ABL1: variants seen among roughly 807,000 people sequenced by gnomAD.
The protein encoded by ABL1 is ABL proto-oncogene 1, non-receptor tyrosine kinase, also known as tyrosine-protein kinase ABL1.
ABL1 carries 11 observed loss-of-function variants against 94.7 expected under a neutral mutation model. That is an observed-to-expected ratio of 0.12 (90% CI 0.07 to 0.19). ABL1 has a LOEUF of 0.19. Among genes scored for constraint, ABL1 ranks in the 10% least tolerant of loss-of-function variants. ABL1 has a pLI of 1.00. For missense variants in ABL1, 1,082 were observed against 1,489.4 expected (o/e 0.73, Z 4.50); for synonymous variants, 656 against 622.4 (o/e 1.05, Z -0.80).
In ABL1 at chr9:130,727,353, C is replaced by T. The variant is rs193053793; in HGVS notation, c.136+12898C>T. ...AAGTGCTGGGATTACAGGTGTGAGC[C>T]ACTGTGCCTGGCGGTATCTCTCTTT... On this transcript the variant is annotated intron_variant, in intron 1 of 10. Coordinates refer to the ABL1 transcript ENST00000372348. Among the ~76,000 whole-genome samples the T allele has an allele frequency of 1.3e-3, 193 of 152,128 alleles. 2 individuals are homozygous for T. The highest frequency in any genetic ancestry group is 6.8e-3 in the Middle Eastern group (2 of 294).
chr9:130,791,583 G>C (rs1382385107), intron 1 of ABL1, among the ~76,000 whole-genome samples: 1 of 152,146 alleles, frequency 6.6e-6, no homozygotes, highest in East Asian at 1.9e-4. Flanking sequence ...GGTGGGATAA[G>C]CTTGCTGAGT....
chr9:130,764,791 A>T (rs765473474), intron 1 of ABL1, among the ~76,000 whole-genome samples: 1 of 152,112 alleles, frequency 6.6e-6, no homozygotes, highest in Non-Finnish European at 1.5e-5. Context: ...CCCTGTCTCT[A>T]CTAAAAATAC....
intron 4 of ABL1, among the ~76,000 whole-genome samples, chr9:130,866,405 G>T (rs986596504): frequency 6.6e-6 from 1 of 151,864 alleles, no homozygotes; most frequent in Non-Finnish European, 1.5e-5. Flanking sequence ...TTGTGGCTAC[G>T]ATCTACCTTC....
At chr9:130,841,105 T>C (rs1184577780) in intron 1 of ABL1, among the ~76,000 whole-genome samples, 1 of 151,980 alleles carries the variant, frequency 6.6e-6, no homozygotes, top group Admixed American at 6.6e-5. Context: ...ATACTAACGA[T>C]AGCTGATGAG....
At chr9:130,855,489 A>G (rs760809227) in intron 3 of ABL1, among the ~76,000 whole-genome samples, 2 of 152,112 alleles carry the variant, frequency 1.3e-5, no homozygotes, top group Non-Finnish European at 2.9e-5. Flanking sequence ...GCGAAAGACC[A>G]CTTTACTATC....
intron 1 of ABL1, among the ~76,000 whole-genome samples, chr9:130,822,857 G>A (rs1278590124): frequency 2.6e-5 from 4 of 151,826 alleles, no homozygotes; most frequent in Admixed American, 1.3e-4. Flanking sequence ...GAGTACAGTG[G>A]CACGATCTCA....
At chr9:130,717,463 G>C (rs1003079158) in intron 1 of ABL1, among the ~76,000 whole-genome samples, 2 of 152,076 alleles carry the variant, frequency 1.3e-5, no homozygotes, top group Non-Finnish European at 1.5e-5. Context: ...CAGCACTTTG[G>C]GAGGCCGAGG....
At chr9:130,723,087 G>C (rs570521566) in intron 1 of ABL1, among the ~76,000 whole-genome samples, 41 of 152,148 alleles carry the variant, frequency 2.7e-4, no homozygotes, top group Non-Finnish European at 5.1e-4. Context: ...CTGTGACTAG[G>C]GGGTAAAAAG....
At chr9:130,757,786 C>T (rs1414146321) in intron 1 of ABL1, among the ~76,000 whole-genome samples, 3 of 152,012 alleles carry the variant, frequency 2.0e-5, no homozygotes, top group African/African-American at 7.2e-5. Context: ...TGTGATTTAC[C>T]CGCCTCGGCC....
chr9:130,852,811 A>G (rs543617761), intron 1 of ABL1, among the ~76,000 whole-genome samples: 4 of 152,316 alleles, frequency 2.6e-5, no homozygotes, highest in African/African-American at 9.6e-5. Flanking sequence ...CAGACAAAAC[A>G]TGGAAGTTTA....
intron 1 of ABL1, among the ~76,000 whole-genome samples, chr9:130,780,552 T>C (rs1829742966): frequency 6.6e-6 from 1 of 152,198 alleles, no homozygotes; most frequent in Admixed American, 6.5e-5. Context: ...TCTGTACTCG[T>C]ACCTGCTATT....
chr9:130,846,524 T>TCC (rs950588225), intron 1 of ABL1, among the ~76,000 whole-genome samples: 2 of 151,986 alleles, frequency 1.3e-5, no homozygotes, highest in African/African-American at 4.8e-5. Flanking sequence ...CATCCTCCTG[T>TCC]CCCCCCCACA....
At chr9:130,798,176 A>C (rs1005655224) in intron 1 of ABL1, among the ~76,000 whole-genome samples, 1 of 152,218 alleles carries the variant, frequency 6.6e-6, no homozygotes, top group African/African-American at 2.4e-5. Flanking sequence ...AAGTTTGTTG[A>C]ATATTCCCTC....
intron 1 of ABL1, among the ~76,000 whole-genome samples, chr9:130,799,445 C>T (rs931013265): frequency 6.6e-6 from 1 of 152,146 alleles, no homozygotes; most frequent in African/African-American, 2.4e-5. Context: ...GGAAAGTCTT[C>T]ATGTACTTCT....
chr9:130,714,578 T>G, intron 1 of ABL1: 1 of 1,289,948 alleles, frequency 7.8e-7, no homozygotes, highest in East Asian at 2.3e-5. Flanking sequence ...AATTTGTTAC[T>G]GTAGTTATCT....
At chr9:130,776,576 CA>C (rs67443041) in intron 1 of ABL1, among the ~76,000 whole-genome samples, 15,516 of 140,798 alleles carry the variant, frequency 0.11, 797 homozygotes, top group South Asian at 0.16. Flanking sequence ...GACTCTATCT[CA>C]AAAAAAAAAA....
intron 1 of ABL1, among the ~76,000 whole-genome samples, chr9:130,779,272 A>C (rs1393969304): frequency 2.6e-5 from 4 of 151,930 alleles, no homozygotes; most frequent in Non-Finnish European, 5.9e-5. Flanking sequence ...AGATGAGTCA[A>C]ATGGTAGTTA....
intron 1 of ABL1, among the ~76,000 whole-genome samples, chr9:130,762,303 T>A (rs566012111): frequency 6.6e-6 from 1 of 152,212 alleles, no homozygotes; most frequent in Non-Finnish European, 1.5e-5. Context: ...AGGCTGTTTT[T>A]GTTCATTTGC....
chr9:130,858,217 A>G (rs1039354628), intron 3 of ABL1, among the ~76,000 whole-genome samples: 6 of 151,864 alleles, frequency 4.0e-5, no homozygotes, highest in East Asian at 1.9e-4. Context: ...CTAGGGGTTG[A>G]TCTAAAATAC....
Sources: gnomAD v4.1 joint callset for allele counts (sites outside exome capture counted in the v4.1 genomes callset) on GRCh38, gnomAD v4.1.1 for gene constraint, MANE v1.5 for transcripts, NCBI Gene and HGNC (gene_info 2026-07-23, HGNC 2026-07-21) for gene names.